DOCK2: variants seen among roughly 807,000 people sequenced by gnomAD.
DOCK2 encodes dedicator of cytokinesis protein 2.
A neutral mutation model predicts 248.9 loss-of-function variants in DOCK2; 87 were observed. That is an observed-to-expected ratio of 0.35 (90% confidence interval 0.29 to 0.42). The LOEUF (loss-of-function observed/expected upper bound fraction) is 0.42. Among genes scored for constraint, DOCK2 ranks in the 10% least tolerant of loss-of-function variants. The pLI is 1.00. For missense variants in DOCK2, 1,747 were observed against 2,300.2 expected, an observed-to-expected ratio of 0.76 and a Z score of 4.92; for synonymous variants, 805 against 821.6, an observed-to-expected ratio of 0.98 and a Z score of 0.35.
chr5:169,934,266 C>T (rs1581439625), intron 27 of DOCK2, among the ~76,000 whole-genome samples: 2 of 152,176 alleles, frequency 1.3e-5, no homozygotes, highest in Admixed American at 6.5e-5. Context: ...AGAGTCCCTT[C>T]TACTGTATTT....
At chr5:169,875,408 C>A in intron 27 of DOCK2, 1 of 420,254 alleles carries the variant, frequency 2.4e-6, no homozygotes. Context: ...CCTCACGATG[C>A]CCTTGGCTGA....
chr5:170,059,259 G>T (rs1351925366), intron 44 of DOCK2, among the ~76,000 whole-genome samples: 2 of 138,312 alleles, frequency 1.4e-5, no homozygotes, highest in Non-Finnish European at 3.0e-5. Flanking sequence ...GTTTCAACAA[G>T]TGCCCCAGGT....
intron 26 of DOCK2, among the ~76,000 whole-genome samples, chr5:169,825,104 A>G (rs1768753878): frequency 1.3e-5 from 2 of 152,210 alleles, no homozygotes; most frequent in African/African-American, 2.4e-5. Context: ...GGTGATCATT[A>G]AAAAGTCAGG....
At chr5:169,788,245 G>A (rs1453810570) in intron 25 of DOCK2, among the ~76,000 whole-genome samples, 3 of 152,136 alleles carry the variant, frequency 2.0e-5, no homozygotes, top group African/African-American at 7.2e-5. Context: ...CATATGGAAT[G>A]CTTGGCATTT....
At chr5:169,749,226 G>C (rs1028364867) in intron 23 of DOCK2, among the ~76,000 whole-genome samples, 1 of 152,136 alleles carries the variant, frequency 6.6e-6, no homozygotes, top group African/African-American at 2.4e-5. Context: ...GCTAAATTTG[G>C]CCCTTAGAGC....
At chr5:169,862,617 G>A (rs939726232) in intron 27 of DOCK2, among the ~76,000 whole-genome samples, 1 of 152,096 alleles carries the variant, frequency 6.6e-6, no homozygotes, top group African/African-American at 2.4e-5. Context: ...TATATATTCC[G>A]GTCTGATTCT....
rs1331862205 is a variant in DOCK2, at chr5:169,654,912, A to G, written c.127+426A>G. Among the ~76,000 whole-genome samples, 5 of 152,362 alleles carry G rather than the reference A, an allele frequency of 3.3e-5. No individual in the cohort carries two copies. The East Asian group carries it at 9.6e-4, about 29-fold the overall frequency. The stretch of plus-strand genomic sequence containing the variant: ...CTGCATGAAGGCACCCAGCCCAGGG[A>G]GCAGGAGCTCACTCCCCTCCCCAAG... On this transcript the variant is annotated intron_variant, in intron 2 of 51. Transcript: ENST00000520908.
chr5:169,908,738 C>T (rs1383529588), intron 27 of DOCK2, among the ~76,000 whole-genome samples: 1 of 130,400 alleles, frequency 7.7e-6, no homozygotes, highest in Non-Finnish European at 1.6e-5. Flanking sequence ...TTTTTGAGAC[C>T]GAGTCTCACT....
intron 30 of DOCK2, among the ~76,000 whole-genome samples, chr5:170,003,544 G>A (rs1166902121): frequency 2.6e-5 from 4 of 152,340 alleles, no homozygotes; most frequent in East Asian, 3.9e-4. Context: ...TGAAGGAAGC[G>A]GGTCTTGAAC....
chr5:169,902,518 G>C (rs1205927163), intron 27 of DOCK2, among the ~76,000 whole-genome samples: 1 of 152,170 alleles, frequency 6.6e-6, no homozygotes, highest in African/African-American at 2.4e-5. Context: ...AAGTAGAGTG[G>C]TTTCTGGAAG....
Position 169,764,567 on chromosome 5 carries a change from A to C in DOCK2, c.2554+2942A>C, listed in dbSNP as rs1426614847. 6.6e-6 allele frequency among the ~76,000 whole-genome samples: 1 copy of C among 152,208 alleles called. No homozygotes were observed. Among genetic ancestry groups the C allele is most frequent in the African/African-American group, 2.4e-5 (1 of 41,454 alleles). On this transcript the variant is annotated intron_variant, in intron 25 of 51. Coordinates refer to ENST00000520908, the MANE Select transcript of DOCK2 (RefSeq NM_004946.3). This position sits in a 1 kb window ranked among gnomAD's most constrained non-coding sequence, Gnocchi z 4.3. ...GAGGGTGATAGTGTGGGCTAATGAG[A>C]TGGATGATGCATTTAAAGTACTTGA... is the stretch of plus-strand genomic sequence containing the variant.
intron 44 of DOCK2, among the ~76,000 whole-genome samples, chr5:170,064,793 A>G (rs189527967): frequency 3.3e-5 from 5 of 152,324 alleles, no homozygotes. Context: ...ATCCAAAGAG[A>G]ACCAAAAGTA....
At chr5:169,708,859 C>T (rs1761427583) in intron 15 of DOCK2, among the ~76,000 whole-genome samples, 1 of 152,184 alleles carries the variant, frequency 6.6e-6, no homozygotes, top group African/African-American at 2.4e-5. Context: ...GCCACCACAC[C>T]CAGCCTTCTT....
chr5:169,927,422 G>A (rs986864965), intron 27 of DOCK2, among the ~76,000 whole-genome samples: 1 of 152,166 alleles, frequency 6.6e-6, no homozygotes, highest in Non-Finnish European at 1.5e-5. Context: ...TTTGCATGTG[G>A]TGCCGATGCT....
rs535021734 is a variant in DOCK2 at position 169,698,550 on chromosome 5, G to T, written c.1055+101G>T. On this transcript the variant is annotated intron_variant, in intron 11 of 51. Coordinates refer to ENST00000520908, the MANE Select transcript of DOCK2 (RefSeq NM_004946.3). ...TACCAGTTCCCTGAGTTAGTGATAG[G>T]CAGGTGGAGCCTCCCAAGGGAAGCT... 28 of 1,304,572 alleles carry T rather than the reference G, an allele frequency of 2.1e-5. No homozygotes were observed. The African/African-American group carries it at 2.2e-4, about 10-fold the overall frequency. The allele number at this position is 1,304,572 out of a possible 1,614,324, so 80.8% of individuals were successfully genotyped here. A position where few individuals can be genotyped will look rare whatever the true frequency, so the allele number is the denominator to read the frequency against.
intron 27 of DOCK2, among the ~76,000 whole-genome samples, chr5:169,972,455 C>A (rs942006788): frequency 2.8e-4 from 42 of 148,672 alleles, no homozygotes; most frequent in African/African-American, 8.1e-4. Context: ...TCAGTAGCAA[C>A]CTCTCCATCA....
intron 22 of DOCK2, among the ~76,000 whole-genome samples, chr5:169,741,886 C>T (rs374271017): frequency 4.7e-5 from 7 of 149,750 alleles, no homozygotes; most frequent in Non-Finnish European, 7.4e-5. Context: ...CTCAGCTTAC[C>T]GCAAGCTCTG....
intron 27 of DOCK2, among the ~76,000 whole-genome samples, chr5:169,901,895 C>T (rs928218741): frequency 5.9e-5 from 9 of 152,140 alleles, no homozygotes; most frequent in South Asian, 2.1e-4. Flanking sequence ...GCATGGTGGC[C>T]GCCTTGCAAG....
chr5:169,979,857 G>GT (rs774093458), intron 27 of DOCK2, among the ~76,000 whole-genome samples: 56 of 152,162 alleles, frequency 3.7e-4, no homozygotes, highest in Non-Finnish European at 7.5e-4. Flanking sequence ...AAAGATAATG[G>GT]TTTTTTTCAT....
Sources: allele counts gnomAD v4.1 joint callset (sites outside exome capture counted in the v4.1 genomes callset), GRCh38; gene constraint gnomAD v4.1.1; non-coding constraint Gnocchi (gnomAD v3.1); transcripts MANE v1.5; gene names NCBI Gene and HGNC (gene_info 2026-07-23, HGNC 2026-07-21).